Variants in PDXDC1 observed in about 807,000 individuals in gnomAD.
The protein encoded by PDXDC1 is pyridoxal-dependent decarboxylase domain-containing protein 1.
In PDXDC1, 42 loss-of-function variants were observed where a neutral mutation model predicts 100.1. The observed-to-expected ratio is 0.42, with a 90% CI of 0.33 to 0.54. PDXDC1 has a LOEUF of 0.54. PDXDC1 is among the 20% of genes least tolerant of loss of function. PDXDC1 has a pLI of 0.10. For missense variants in PDXDC1, 636 were observed against 979.2 expected (o/e 0.65, Z 4.68); for synonymous variants, 260 against 371.7 (o/e 0.70, Z 3.46).
intron 16 of PDXDC1, among the ~76,000 whole-genome samples, chr16:15,087,840 C>T (rs1026013548): frequency 8.5e-5 from 13 of 152,110 alleles, no homozygotes; most frequent in African/African-American, 2.7e-4. Context: ...TCAGGCTGGG[C>T]GTGGTAGCTC....
At chr16:15,098,048 A>G (rs1167921671) in intron 16 of PDXDC1, among the ~76,000 whole-genome samples, 1 of 142,674 alleles carries the variant, frequency 7.0e-6, no homozygotes, top group Non-Finnish European at 1.5e-5. Flanking sequence ...AAATGCTGAG[A>G]TTATAGGCAT....
chr16:14,988,721 A>G lies in PDXDC1; in HGVS notation c.22-9032A>G, dbSNP rs1350922282. The G allele has an allele frequency of 4.3e-6, 7 of 1,613,732 alleles. No individual in the cohort carries two copies. The East Asian group carries it at 6.7e-5, about 15-fold the overall frequency. On this transcript the variant is annotated intron_variant, in intron 1 of 22. Transcript: ENST00000396410. ...TCTTGTAGCGGATGCCATGCAATGCATAGCTGTTCTGCAGCACGTCGGGGT... is the reference window on the plus strand; with the variant it reads ...TCTTGTAGCGGATGCCATGCAATGCGTAGCTGTTCTGCAGCACGTCGGGGT...
At chr16:15,030,903 G>T (rs1204136824) in intron 16 of PDXDC1, among the ~76,000 whole-genome samples, 1 of 151,902 alleles carries the variant, frequency 6.6e-6, no homozygotes, top group Non-Finnish European at 1.5e-5. Flanking sequence ...ACAACCAGTG[G>T]CCGCCCACCC....
chr16:15,072,960 C>T (rs1283994509), intron 16 of PDXDC1: 1 of 1,613,438 alleles, frequency 6.2e-7, no homozygotes, highest in East Asian at 2.2e-5. Context: ...CAATTTGAAA[C>T]TACAGAGGTA....
intron 1 of PDXDC1, among the ~76,000 whole-genome samples, chr16:14,979,851 TAAA>T (rs2151148393): frequency 6.6e-6 from 1 of 152,418 alleles, no homozygotes; most frequent in Admixed American, 6.5e-5. Flanking sequence ...GCTCCTTCCT[TAAA>T]AAGCATGAGA....
intron 16 of PDXDC1, among the ~76,000 whole-genome samples, chr16:15,081,156 A>G (rs1394846658): frequency 1.3e-5 from 2 of 152,308 alleles, no homozygotes; most frequent in East Asian, 1.9e-4. Context: ...TGAGGCTATT[A>G]TGGATGATGC....
the PDXDC1 span, among the ~76,000 whole-genome samples, chr16:15,146,093 T>A: frequency 6.6e-6 from 1 of 152,030 alleles, no homozygotes. Context: ...GGGACCCACA[T>A]TTGGCAGCGG....
At position 15,038,093 on chromosome 16, in the gene PDXDC1, C is replaced by T. The variant is rs757307465; in HGVS notation, c.*1818C>T. The T allele has an allele frequency of 6.2e-7, 1 of 1,612,770 alleles. No individual in the cohort carries two copies. Among genetic ancestry groups the T allele is most frequent in the East Asian group, 2.2e-5 (1 of 44,844 alleles). ...TCTTCATTTTTTTTGTAGAGTAGGGCTTTATTTCCAGAAAACAGTGTGTGA... is the reference window on the plus strand; with the variant it reads ...TCTTCATTTTTTTTGTAGAGTAGGGTTTTATTTCCAGAAAACAGTGTGTGA... On this transcript the variant is annotated 3_prime_UTR_variant, in exon 23 of 23. Coordinates refer to ENST00000396410, the MANE Select transcript of PDXDC1 (RefSeq NM_015027.4).
chr16:14,981,458 G>T (rs1256119315), intron 1 of PDXDC1, among the ~76,000 whole-genome samples: 4 of 152,300 alleles, frequency 2.6e-5, no homozygotes, highest in African/African-American at 9.6e-5. Context: ...TCTTAAGGAA[G>T]AGTTATAACA....
intron 16 of PDXDC1, among the ~76,000 whole-genome samples, chr16:15,095,311 G>A (rs1282297850): frequency 6.6e-6 from 1 of 152,046 alleles, no homozygotes; most frequent in Non-Finnish European, 1.5e-5. Flanking sequence ...TTGCAACTTT[G>A]GAAACTGTAC....
At chr16:15,028,843 C>T in intron 14 of PDXDC1, 35 bp from the exon 15 acceptor site, 1 of 1,604,148 alleles carries the variant, frequency 6.2e-7, no homozygotes, top group Non-Finnish European at 8.5e-7. Flanking sequence ...AGCCGTGTTT[C>T]TGGGAGTGAC....
chr16:15,102,494 C>A (rs1251370158), intron 16 of PDXDC1, among the ~76,000 whole-genome samples: 6 of 149,326 alleles, frequency 4.0e-5, no homozygotes, highest in Middle Eastern at 3.2e-3. Context: ...GGGCTTGGAT[C>A]ACTCCAGGAA....
chr16:15,073,454 A>G (rs1225402701), intron 16 of PDXDC1, among the ~76,000 whole-genome samples: 1 of 152,150 alleles, frequency 6.6e-6, no homozygotes, highest in Non-Finnish European at 1.5e-5. Flanking sequence ...GACCGTGGCT[A>G]TTTAAAAAAA....
In PDXDC1 at chr16:15,017,424, T is replaced by C. The variant is rs771769203; in HGVS notation, c.963+2T>C. ...TATAAACACGATGACCCTGCCTTGG[T>C]AAGTTTCCACTCACTGGGGAGGGAG... On this transcript the variant is annotated splice_donor_variant, in intron 11 of 22. Coordinates refer to ENST00000396410, the MANE Select transcript of PDXDC1 (RefSeq NM_015027.4). LOFTEE classifies it high-confidence loss of function. 12 of 1,614,022 alleles carry C rather than the reference T, an allele frequency of 7.4e-6. No homozygotes were observed. Among genetic ancestry groups the C allele is most frequent in the Non-Finnish European group, 1.0e-5 (12 of 1,179,884 alleles).
chr16:15,121,760 T>C (rs1241291898), intron 16 of PDXDC1: 1 of 70,350 alleles, frequency 1.4e-5, no homozygotes, highest in Non-Finnish European at 2.7e-5. Flanking sequence ...CTCAAATAAA[T>C]AAATAAATAA....
chr16:15,146,370 A>T, the PDXDC1 span, among the ~76,000 whole-genome samples: 2 of 152,210 alleles, frequency 1.3e-5, no homozygotes, highest in African/African-American at 4.8e-5. Context: ...TCCGCACGTC[A>T]GGGCGGGCAC....
At chr16:15,117,268 CAAAT>C (rs1314672117) in intron 16 of PDXDC1, among the ~76,000 whole-genome samples, 4 of 52,882 alleles carry the variant, frequency 7.6e-5, no homozygotes, top group East Asian at 4.4e-4. Flanking sequence ...GAAACTGTCT[CAAAT>C]AAATAAATAA....
chr16:15,128,447 C>A (rs2047873234), intron 16 of PDXDC1: 1 of 978,094 alleles, frequency 1.0e-6, no homozygotes, highest in Non-Finnish European at 1.6e-6. Context: ...CGTGTGGCAT[C>A]CCAGGCAAGT....
chr16:15,127,307 T>C, intron 16 of PDXDC1: 2 of 643,890 alleles, frequency 3.1e-6, no homozygotes, highest in Non-Finnish European at 5.7e-6. Context: ...TCTTTCTCCC[T>C]GGTCAGTCTA....
Sources: allele counts gnomAD v4.1 joint callset (sites outside exome capture counted in the v4.1 genomes callset), GRCh38; gene constraint gnomAD v4.1.1; transcripts MANE v1.5; gene names NCBI Gene and HGNC (gene_info 2026-07-23, HGNC 2026-07-21).